The following TAF4B variants were observed in gnomAD, a reference collection of about 807,000 sequenced individuals.
The protein encoded by TAF4B is transcription initiation factor TFIID subunit 4B.
Under a neutral mutation model 86.4 loss-of-function variants are expected in TAF4B, and 38 were observed. The observed-to-expected ratio is 0.44, with a 90% CI of 0.34 to 0.58. The LOEUF is 0.58. TAF4B is among the 20% of genes least tolerant of loss of function. The pLI, the probability that TAF4B is intolerant of heterozygous loss-of-function variation, is 0.02. For missense variants in TAF4B, 988 were observed against 1,027.6 expected, an observed-to-expected ratio of 0.96 and a Z score of 0.53; for synonymous variants, 388 against 391.2, an observed-to-expected ratio of 0.99 and a Z score of 0.10.
chr18:26,294,541 C>CT (rs2056637047), intron 9 of TAF4B, among the ~76,000 whole-genome samples: 1 of 148,710 alleles, frequency 6.7e-6, no homozygotes, highest in African/African-American at 2.4e-5. Flanking sequence ...GTATATATTT[C>CT]TTATATATAC....
At chr18:26,258,749 G>A (rs2056121465) in intron 1 of TAF4B, among the ~76,000 whole-genome samples, 1 of 152,024 alleles carries the variant, frequency 6.6e-6, no homozygotes, top group South Asian at 2.1e-4. Context: ...GTGCTGGAGT[G>A]CTGTGGTGTG....
intron 1 of TAF4B, among the ~76,000 whole-genome samples, chr18:26,249,484 A>T (rs2055973180): frequency 6.6e-6 from 1 of 152,130 alleles, no homozygotes; most frequent in African/African-American, 2.4e-5. Flanking sequence ...TCTCAAAAAA[A>T]AAAAAGATCA....
chr18:26,317,262 G>A (rs781086649), intron 10 of TAF4B, among the ~76,000 whole-genome samples: 22 of 151,886 alleles, frequency 1.4e-4, no homozygotes, highest in Non-Finnish European at 5.9e-5. Flanking sequence ...AACTCCTGAC[G>A]TCAAGTCATC....
At chr18:26,261,362 G>A (rs569578509) in intron 1 of TAF4B, among the ~76,000 whole-genome samples, 20 of 151,430 alleles carry the variant, frequency 1.3e-4, no homozygotes, top group South Asian at 4.2e-4. Flanking sequence ...CACTACGCCC[G>A]GCTAATTTTT....
chr18:26,227,041 G>A lies in TAF4B; in HGVS notation c.108G>A (p.Glu36=). Residue 36 remains glutamate (E), a synonymous_variant, in exon 1 of 15, where the codon GAG becomes GAA. Coordinates refer to ENST00000269142, the MANE Select transcript of TAF4B (RefSeq NM_005640.3). ...CCGGGGCGCTGCCGGTGCGGGTGGA[G>A]AGCACTCCGGTGGCCCTGGGCGCCG... ...APAGALPVRV[E]STPVALGAVT... is the part of the protein sequence containing the mutation. The A allele has an allele frequency of 6.4e-7, 1 of 1,557,684 alleles. No homozygotes were observed. Among genetic ancestry groups the A allele is most frequent in the South Asian group, 1.2e-5 (1 of 86,548 alleles).
At chr18:26,360,665 CCT>C (rs2057322188) in intron 14 of TAF4B, among the ~76,000 whole-genome samples, 1 of 152,096 alleles carries the variant, frequency 6.6e-6, no homozygotes, top group South Asian at 2.1e-4. Flanking sequence ...GTCCCTCAGT[CCT>C]CTCTCATTCT....
intron 7 of TAF4B, among the ~76,000 whole-genome samples, chr18:26,287,230 T>C (rs1391006231): frequency 6.6e-6 from 1 of 152,178 alleles, no homozygotes; most frequent in East Asian, 1.9e-4. Flanking sequence ...TCTCAAACTC[T>C]TGGCCTCAAC....
intron 9 of TAF4B, among the ~76,000 whole-genome samples, chr18:26,304,068 A>G (rs895720525): frequency 1.3e-5 from 2 of 152,008 alleles, no homozygotes; most frequent in South Asian, 4.1e-4. Flanking sequence ...TAAAAAAATC[A>G]TATACCAACA....
At chr18:26,333,324 G>A (rs1028137827) in intron 12 of TAF4B, among the ~76,000 whole-genome samples, 8 of 149,868 alleles carry the variant, frequency 5.3e-5, no homozygotes, top group Non-Finnish European at 8.9e-5. Flanking sequence ...AGGTTCAAAC[G>A]ATTCTTAGGT....
At chr18:26,286,599 G>T in intron 7 of TAF4B, 100 bp downstream of exon 7, 1 of 1,268,922 alleles carries the variant, frequency 7.9e-7, no homozygotes, top group Non-Finnish European at 1.1e-6. Flanking sequence ...GCTATATACT[G>T]TTTACGGGTT....
intron 13 of TAF4B, among the ~76,000 whole-genome samples, chr18:26,351,508 T>C (rs552573204): frequency 1.3e-3 from 203 of 152,190 alleles, no homozygotes; most frequent in Non-Finnish European, 1.9e-3. Flanking sequence ...GGCTAGTGAA[T>C]GTTCTTAACA....
intron 11 of TAF4B, among the ~76,000 whole-genome samples, 164 bp from the exon 12 acceptor site, chr18:26,326,851 A>T (rs933881550): frequency 2.0e-5 from 3 of 152,186 alleles, no homozygotes; most frequent in Non-Finnish European, 4.4e-5. Flanking sequence ...GGTGGAGTGG[A>T]TGTAGGGGGA....
intron 14 of TAF4B, among the ~76,000 whole-genome samples, chr18:26,382,925 T>G (rs1490599073): frequency 6.6e-6 from 1 of 152,214 alleles, no homozygotes; most frequent in Non-Finnish European, 1.5e-5. Flanking sequence ...AGTTTGTGTT[T>G]GTAGGCACTG....
chr18:26,286,338 G>C lies in TAF4B; in HGVS notation c.1429G>C (p.Ala477Pro). The C allele has an allele frequency of 6.2e-7, 1 of 1,614,230 alleles. No homozygotes were observed. Among genetic ancestry groups the C allele is most frequent in the Non-Finnish European group, 8.5e-7 (1 of 1,180,044 alleles). The change falls in exon 7 of 15, where the codon GCA (alanine) becomes CCA (proline). Residue 477 changes from alanine (A) to proline (P), a missense_variant. By Grantham distance (27) the Ala-to-Pro change is conservative. Around this residue, in one of 3 missense-constraint regions of TAF4B, gnomAD observed 747 missense variants for 737.9 expected, o/e 1.01. Coordinates refer to ENST00000269142, the MANE Select transcript of TAF4B (RefSeq NM_005640.3). The part of the protein sequence containing the change: ...PAVTFGETSG[A>P]AICLPSVKPV... ...AGTAACTTTTGGAGAAACTTCAGGT[G>C]CAGCTATTTGTCTTCCATCTGTGAA... is the stretch of plus-strand genomic sequence containing the variant.
chr18:26,302,806 C>T (rs959953646), intron 9 of TAF4B, among the ~76,000 whole-genome samples: 1 of 152,038 alleles, frequency 6.6e-6, no homozygotes, highest in African/African-American at 2.4e-5. Context: ...TGTCCTTCCT[C>T]AGTGATCTGT....
At chr18:26,346,877 G>GTATATA (rs1220239621) in intron 13 of TAF4B, among the ~76,000 whole-genome samples, 1 of 6,600 alleles carries the variant, frequency 1.5e-4, no homozygotes, top group African/African-American at 3.2e-4. Flanking sequence ...ATATATATGT[G>GTATATA]TATATATATA....
intron 9 of TAF4B, among the ~76,000 whole-genome samples, chr18:26,311,279 A>G (rs1360442874): frequency 6.6e-6 from 1 of 152,212 alleles, no homozygotes; most frequent in African/African-American, 2.4e-5. Context: ...CAGCATTTCT[A>G]AAGTAGGCAT....
chr18:26,351,060 C>G (rs1222580531), intron 13 of TAF4B, among the ~76,000 whole-genome samples: 1 of 152,128 alleles, frequency 6.6e-6, no homozygotes, highest in African/African-American at 2.4e-5. Flanking sequence ...ATCTGTACCC[C>G]CTTGTTCATT....
chr18:26,343,197 C>T (rs2057149695), intron 13 of TAF4B, among the ~76,000 whole-genome samples: 1 of 152,192 alleles, frequency 6.6e-6, no homozygotes, highest in African/African-American at 2.4e-5. Context: ...TGGATGCAAT[C>T]ACAGACGTGG....
Sources: allele counts gnomAD v4.1 joint callset (sites outside exome capture counted in the v4.1 genomes callset), GRCh38; gene constraint gnomAD v4.1.1; regional missense constraint gnomAD v4.1.1; transcripts MANE v1.5; gene names NCBI Gene and HGNC (gene_info 2026-07-23, HGNC 2026-07-21).